Variants in RPS6KA3 observed in about 807,000 individuals in gnomAD.
RPS6KA3 encodes the protein ribosomal protein S6 kinase alpha-3.
In RPS6KA3, 4 loss-of-function variants were observed where a neutral mutation model predicts 67.2. The ratio of observed to expected loss-of-function variants is 0.06; its 90% CI spans 0.03 to 0.14. The LOEUF is 0.14. Among genes scored for constraint, RPS6KA3 ranks in the 10% least tolerant of loss-of-function variants. The pLI is 1.00. For synonymous variants in RPS6KA3, 182 were observed against 183.7 expected (o/e 0.99, Z 0.07); for missense variants, 204 against 559.0 (o/e 0.36, Z 6.40).
intron 4 of RPS6KA3, chrX:20,203,339 A>C (rs1375696650): frequency 9.5e-6 from 1 of 105,749 alleles, no homozygotes; most frequent in African/African-American, 3.5e-5. Flanking sequence ...CTCGGCTCAC[A>C]GCAACCTCCG....
chrX:20,244,661 C>T (rs888500022), intron 1 of RPS6KA3, among the ~76,000 whole-genome samples: 1 of 112,343 alleles, frequency 8.9e-6, no homozygotes, highest in Non-Finnish European at 1.9e-5. Flanking sequence ...AGTTCAAATA[C>T]AAAGCTCCTA....
intron 2 of RPS6KA3, among the ~76,000 whole-genome samples, chrX:20,215,097 T>G (rs1218141173): frequency 1.8e-5 from 2 of 111,761 alleles, no homozygotes; most frequent in East Asian, 5.6e-4. Context: ...TGAGCCATCA[T>G]GTCCAGCACT....
chrX:20,232,321 T>A (rs1366555639), intron 2 of RPS6KA3, among the ~76,000 whole-genome samples: 1 of 112,506 alleles, frequency 8.9e-6, no homozygotes, highest in Non-Finnish European at 1.9e-5. Context: ...TCGCCTGTAA[T>A]CCCAGCACTT....
At position 20,176,604 on chromosome X, in the gene RPS6KA3, AATTTT is replaced by A. The variant is rs1016991376; in HGVS notation, c.935-111_935-107del. 1.8e-5 allele frequency: 10 copies of A among 557,263 alleles called. No homozygotes were observed. The Admixed American group carries it at 2.5e-4, about 14-fold the overall frequency. 45.9% of individuals were successfully genotyped at this position (557,263 alleles called of 1,213,427 possible). ...TAATTAATTAATTAATTAATTAATT[AATTTT>A]GAGACAAGGGCTTGCTCTGTCACCC... On this transcript the variant is annotated intron_variant, in intron 11 of 21. Coordinates refer to ENST00000379565, the MANE Select transcript of RPS6KA3 (RefSeq NM_004586.3).
intron 2 of RPS6KA3, among the ~76,000 whole-genome samples, chrX:20,213,068 T>C (rs1372505351): frequency 8.9e-6 from 1 of 112,138 alleles, no homozygotes; most frequent in Non-Finnish European, 1.9e-5. Flanking sequence ...TGCTTCACCT[T>C]GGCATTCGAG....
chrX:20,245,552 T>C (rs1372834147), intron 1 of RPS6KA3, among the ~76,000 whole-genome samples: 1 of 112,097 alleles, frequency 8.9e-6, no homozygotes, highest in Non-Finnish European at 1.9e-5. Context: ...TGATCTATTA[T>C]TTTACTAGAG....
intron 20 of RPS6KA3, among the ~76,000 whole-genome samples, chrX:20,159,857 A>G (rs972463707): frequency 9.0e-6 from 1 of 111,628 alleles, no homozygotes; most frequent in Non-Finnish European, 1.9e-5. Flanking sequence ...GCACTCCTTA[A>G]TATGTGTTTT....
At position 20,167,466 on chromosome X, in the gene RPS6KA3, G is replaced by A. The variant is rs2067469683; in HGVS notation, c.1602+123C>T. The A allele has an allele frequency of 1.4e-5, 9 of 644,869 alleles. No homozygotes were observed. The South Asian group carries it at 1.9e-4, about 14-fold the overall frequency. 53.1% of individuals were successfully genotyped at this position (644,869 alleles called of 1,213,427 possible). ...AAGTTTATATAGAGGAAGGTCAGTA[G>A]GATAATTCAGCTAATAGCAGTTATT... On this transcript the variant is annotated intron_variant, in intron 17 of 21. Transcript: ENST00000379565.
chrX:20,258,897 T>C (rs771195048), intron 1 of RPS6KA3, among the ~76,000 whole-genome samples: 1 of 112,132 alleles, frequency 8.9e-6, no homozygotes, highest in Admixed American at 9.4e-5. Context: ...GGCAGGGCAG[T>C]AGGCTAGCTT....
intron 1 of RPS6KA3, among the ~76,000 whole-genome samples, chrX:20,236,790 T>C (rs1461868666): frequency 2.7e-5 from 3 of 111,907 alleles, no homozygotes; most frequent in Non-Finnish European, 5.7e-5. Flanking sequence ...ACACTGCCCA[T>C]TTCTTTGGTA....
In RPS6KA3 at chrX:20,176,040, T is replaced by C. The variant is rs111953433; in HGVS notation, c.1102+210A>G. Among the ~76,000 whole-genome samples the C allele has an allele frequency of 2.3e-3, 258 of 110,458 alleles. 2 individuals are homozygous for C. Among genetic ancestry groups the C allele is most frequent in the African/African-American group, 8.1e-3 (247 of 30,392 alleles). ...CACATGCCACCAAACCTGGCTAATT[T>C]TGGTATTTTTAGTAGAGACAGCGTT... On this transcript the variant is annotated intron_variant, in intron 13 of 21. Coordinates refer to ENST00000379565, the MANE Select transcript of RPS6KA3 (RefSeq NM_004586.3).
chrX:20,226,634 C>T (rs946615347), intron 2 of RPS6KA3, among the ~76,000 whole-genome samples: 1 of 112,168 alleles, frequency 8.9e-6, no homozygotes, highest in Non-Finnish European at 1.9e-5. Flanking sequence ...ACACCAGTTA[C>T]AACTACTTTT....
At chrX:20,178,376 C>T (rs1163507361) in intron 10 of RPS6KA3, among the ~76,000 whole-genome samples, 2 of 111,049 alleles carry the variant, frequency 1.8e-5, no homozygotes, top group Non-Finnish European at 3.8e-5. Flanking sequence ...AAATTCATGA[C>T]CCAATGAGCT....
chrX:20,197,211 T>C (rs1175771044), intron 4 of RPS6KA3, among the ~76,000 whole-genome samples: 4 of 112,801 alleles, frequency 3.5e-5, no homozygotes, highest in Non-Finnish European at 7.5e-5. Context: ...TATTCTAGTC[T>C]AGCCTAAATC....
At chrX:20,168,093 A>C (rs943978042) in intron 16 of RPS6KA3, among the ~76,000 whole-genome samples, 15 of 112,219 alleles carry the variant, frequency 1.3e-4, no homozygotes, top group African/African-American at 3.6e-4. Flanking sequence ...GAGTTTTGAC[A>C]ACCCCCAGAT....
chrX:20,161,811 T>C, intron 19 of RPS6KA3, 50 bp from the exon 20 acceptor site: 1 of 444,888 alleles, frequency 2.2e-6, no homozygotes. Context: ...TATTACTTGG[T>C]TGGTAATCTC....
intron 2 of RPS6KA3, among the ~76,000 whole-genome samples, chrX:20,224,659 C>A (rs1221615046): frequency 2.7e-5 from 3 of 111,124 alleles, no homozygotes; most frequent in African/African-American, 9.8e-5. Context: ...TGGTAAAAGC[C>A]TAAGGTTTTA....
intron 19 of RPS6KA3, among the ~76,000 whole-genome samples, chrX:20,162,330 C>A: frequency 1.0e-5 from 1 of 95,772 alleles, no homozygotes. Flanking sequence ...AGCAAGACTC[C>A]GTCTCAAAAA....
rs1336991330 is a variant in RPS6KA3 at position 20,266,640 on chromosome X, C to A, written c.-8G>T. 3.5e-6 allele frequency: 4 copies of A among 1,133,676 alleles called. No homozygotes were observed. The South Asian group carries it at 7.8e-5, about 22-fold the overall frequency. 93.4% of individuals were successfully genotyped at this position (1,133,676 alleles called of 1,213,427 possible). ...CAGCTGCGCCAGCGGCATCTTCCCC[C>A]CCGGCCCGCCGCCTTCACCGCCTCC... On this transcript the variant is annotated 5_prime_UTR_variant, in exon 1 of 22. Coordinates refer to ENST00000379565, the MANE Select transcript of RPS6KA3 (RefSeq NM_004586.3).
Sources: allele counts gnomAD v4.1 joint callset (sites outside exome capture counted in the v4.1 genomes callset), GRCh38; gene constraint gnomAD v4.1.1; transcripts MANE v1.5; gene names NCBI Gene and HGNC (gene_info 2026-07-23, HGNC 2026-07-21).